Variants in SPTB observed in about 807,000 individuals in gnomAD.
SPTB encodes the protein spectrin beta chain, erythrocytic.
A neutral mutation model predicts 256.2 loss-of-function variants in SPTB; 45 were observed. The observed-to-expected ratio is 0.18, with a 90% CI of 0.14 to 0.23. The LOEUF (loss-of-function observed/expected upper bound fraction) is 0.23. Ranked by LOEUF, SPTB falls within the 10% of genes least tolerant of loss-of-function variation. The pLI, the probability that SPTB is intolerant of heterozygous loss-of-function variation, is 1.00. For missense variants in SPTB, 2,715 were observed against 3,040.4 expected (o/e 0.89, Z 2.52); for synonymous variants, 1,231 against 1,243.1 (o/e 0.99, Z 0.21).
intron 32 of SPTB, among the ~76,000 whole-genome samples, chr14:64,765,968 G>GGGGTGTGGTGTGTGCATGTGGAT (rs1205565648): frequency 6.6e-6 from 1 of 151,216 alleles, no homozygotes; most frequent in East Asian, 1.9e-4. Flanking sequence ...GTGTGTGTAT[G>GGGGTGTGGTGTGTGCATGTGGAT]GGGTGTGGTG....
In SPTB at chr14:64,778,185, G is replaced by C. The variant is rs1009792932; in HGVS notation, c.4563+972C>G. ...TGTCAACCAGAAGCAAAGGGCCTAA[G>C]GCAGCTTTGAAGAAACTTCTCTGAA... On this transcript the variant is annotated intron_variant, in intron 22 of 35. Transcript: ENST00000644917. The surrounding 1 kb of genome is among the most constrained non-coding windows in gnomAD (Gnocchi z 5.2). Among the ~76,000 whole-genome samples the C allele has an allele frequency of 1.3e-5, 2 of 152,166 alleles. No individual in the cohort carries two copies. Among genetic ancestry groups the C allele is most frequent in the Non-Finnish European group, 2.9e-5 (2 of 68,022 alleles).
chr14:64,749,628 G>A lies in SPTB; in HGVS notation c.6819+26C>T. On this transcript the variant is annotated intron_variant, in intron 35 of 35. Coordinates refer to ENST00000644917, the MANE Select transcript of SPTB (RefSeq NM_001355436.2). This position sits in a 1 kb window ranked among gnomAD's most constrained non-coding sequence, Gnocchi z 4.7. ...CTCCACCTACCCCCTTCTTAGCCAGGTCTGGGCTAGGCTGCCCGCGCTTAC... is the reference window on the plus strand; with the variant it reads ...CTCCACCTACCCCCTTCTTAGCCAGATCTGGGCTAGGCTGCCCGCGCTTAC... The A allele has an allele frequency of 1.9e-6, 3 of 1,613,230 alleles. No individual in the cohort carries two copies. Among genetic ancestry groups the A allele is most frequent in the Non-Finnish European group, 2.5e-6 (3 of 1,179,906 alleles).
At chr14:64,808,010 C>T (rs560670437) in intron 2 of SPTB, among the ~76,000 whole-genome samples, 1 of 152,344 alleles carries the variant, frequency 6.6e-6, no homozygotes, top group South Asian at 2.1e-4. Context: ...GCATCTCATT[C>T]CTCTCTGTTC....
At position 64,806,430 on chromosome 14, in the gene SPTB, C is replaced by T. The variant is rs1047869433; in HGVS notation, c.149-1340G>A. On this transcript the variant is annotated intron_variant, in intron 2 of 35. Coordinates refer to ENST00000644917, the MANE Select transcript of SPTB (RefSeq NM_001355436.2). The surrounding 1 kb of genome is among the most constrained non-coding windows in gnomAD (Gnocchi z 4.1). ...ATACCTGGAGTGGCCTAGCCAGGAG[C>T]GGGGTCTGCCCGGTCGGAGCAGGCT... 3.3e-5 allele frequency among the ~76,000 whole-genome samples: 5 copies of T among 152,166 alleles called. No individual in the cohort carries two copies. Among genetic ancestry groups the T allele is most frequent in the South Asian group, 2.1e-4 (1 of 4,828 alleles).
rs775616758 is a variant in SPTB at position 64,749,965 on chromosome 14, G to A, written c.6776+16C>T. The A allele has an allele frequency of 3.1e-6, 5 of 1,614,178 alleles. No homozygotes were observed. Among genetic ancestry groups the A allele is most frequent in the Non-Finnish European group, 2.5e-6 (3 of 1,180,040 alleles). ...AAGCCATCAACCCGAGCTTTCAAAG[G>A]CCAGGAAGGCCTCACCTCAGCTTAA... On this transcript the variant is annotated intron_variant, in intron 34 of 35. Coordinates refer to ENST00000644917, the MANE Select transcript of SPTB (RefSeq NM_001355436.2). The surrounding 1 kb of genome is among the most constrained non-coding windows in gnomAD (Gnocchi z 4.7).
rs200509217 is a variant in SPTB at position 64,782,581 on chromosome 14, A to G, written c.4003-28T>C. On this transcript the variant is annotated intron_variant, in intron 19 of 35. Coordinates refer to ENST00000644917, the MANE Select transcript of SPTB (RefSeq NM_001355436.2). ...AGGGGCAAGAAGGAGGAGAGCTCAC[A>G]TTCTGGGCTGACTGGGCCTTGGATC... 1.4e-5 allele frequency: 22 copies of G among 1,612,290 alleles called. No individual in the cohort carries two copies. In the East Asian group the frequency reaches 4.0e-4, roughly 29 times the overall value.
chr14:64,862,249 T>C (rs1881888872), intron 1 of SPTB, among the ~76,000 whole-genome samples: 1 of 152,138 alleles, frequency 6.6e-6, no homozygotes, highest in South Asian at 2.1e-4. Context: ...CCTAGATACC[T>C]GAGCTAGAAA....
intron 1 of SPTB, among the ~76,000 whole-genome samples, chr14:64,834,892 G>A (rs751479361): frequency 4.6e-5 from 7 of 152,132 alleles, no homozygotes; most frequent in Non-Finnish European, 7.4e-5. Flanking sequence ...TTTCTTTCTC[G>A]TGTCACAGAA....
chr14:64,796,462 G>A lies in SPTB; in HGVS notation c.1341+95C>T, dbSNP rs570839712. The A allele has an allele frequency of 1.1e-4, 170 of 1,550,988 alleles. No homozygotes were observed. The African/African-American group carries it at 2.0e-3, about 18-fold the overall frequency. ...GCTGTGCTGCAAGGCACGAGGAGAG[G>A]CTGTGAGAAGCCAGCTTGGACTCCA... On this transcript the variant is annotated intron_variant, in intron 11 of 35. Coordinates refer to ENST00000644917, the MANE Select transcript of SPTB (RefSeq NM_001355436.2). The surrounding 1 kb of genome is among the most constrained non-coding windows in gnomAD (Gnocchi z 4.1).
At chr14:64,820,092 C>G (rs1031065526) in intron 2 of SPTB, among the ~76,000 whole-genome samples, 14 of 152,204 alleles carry the variant, frequency 9.2e-5, no homozygotes, top group Admixed American at 6.5e-5. Flanking sequence ...TCTCCCCAAC[C>G]TTGCCACATA....
Position 64,802,461 on chromosome 14 carries a change from G to A in SPTB, c.475-144C>T, listed in dbSNP as rs957458981. 2.7e-5 allele frequency: 21 copies of A among 768,628 alleles called. No homozygotes were observed. The highest frequency in any genetic ancestry group is 4.0e-5 in the Non-Finnish European group (18 of 444,920). 47.6% of individuals were successfully genotyped at this position (768,628 alleles called of 1,614,324 possible). A position where few individuals can be genotyped will look rare whatever the true frequency, so the allele number is the denominator to read the frequency against. On this transcript the variant is annotated intron_variant, in intron 4 of 35. Coordinates refer to ENST00000644917, the MANE Select transcript of SPTB (RefSeq NM_001355436.2). This position sits in a 1 kb window ranked among gnomAD's most constrained non-coding sequence, Gnocchi z 5.1. ...TAAGAGCCAGTATAAATGGCGCTTG[G>A]GTTGGGTCTCCCTTCATGTGCCCTG...
intron 32 of SPTB, chr14:64,754,225 C>A: frequency 3.2e-6 from 1 of 314,616 alleles, no homozygotes; most frequent in South Asian, 3.1e-5. Context: ...AAGACAAGTT[C>A]GGCAACCACT....
Position 64,802,440 on chromosome 14 carries a change from A to G in SPTB, c.475-123T>C. On this transcript the variant is annotated intron_variant, in intron 4 of 35. Coordinates refer to ENST00000644917, the MANE Select transcript of SPTB (RefSeq NM_001355436.2). This position sits in a 1 kb window ranked among gnomAD's most constrained non-coding sequence, Gnocchi z 5.1. ...ACTTAACACTAATTCATCCTTTAAG[A>G]GCCAGTATAAATGGCGCTTGGGTTG... 1.1e-6 allele frequency: 1 copy of G among 919,344 alleles called. No homozygotes were observed. The highest frequency in any genetic ancestry group is 2.0e-5 in the Admixed American group (1 of 50,254). 56.9% of individuals were successfully genotyped at this position (919,344 alleles called of 1,614,324 possible). A position where few individuals can be genotyped will look rare whatever the true frequency, so the allele number is the denominator to read the frequency against.
chr14:64,749,832 CAA>C lies in SPTB; in HGVS notation c.6777-138_6777-137del, dbSNP rs2081916617. ...GGCAGCCCAGCACTTTCTGAGAGGTCAAAGTCTGGACCATCAGCCTCTTTGAT... is the reference window on the plus strand; with the variant it reads ...GGCAGCCCAGCACTTTCTGAGAGGTCAGTCTGGACCATCAGCCTCTTTGAT... On this transcript the variant is annotated intron_variant, in intron 34 of 35. Transcript: ENST00000644917. This position sits in a 1 kb window ranked among gnomAD's most constrained non-coding sequence, Gnocchi z 4.7. 1 of 1,481,862 alleles carries C rather than the reference CAA, an allele frequency of 6.7e-7. No homozygotes were observed. The highest frequency in any genetic ancestry group is 9.3e-7 in the Non-Finnish European group (1 of 1,073,306). The allele number at this position is 1,481,862 out of a possible 1,614,324, so 91.8% of individuals were successfully genotyped here.
At chr14:64,856,266 A>G (rs2083870634) in intron 1 of SPTB, among the ~76,000 whole-genome samples, 1 of 152,198 alleles carries the variant, frequency 6.6e-6, no homozygotes, top group South Asian at 2.1e-4. Flanking sequence ...GAGCTTCCCA[A>G]CGCTCATGTT....
intron 32 of SPTB, among the ~76,000 whole-genome samples, chr14:64,762,035 A>C (rs1385775055): frequency 1.3e-5 from 2 of 152,188 alleles, no homozygotes; most frequent in African/African-American, 4.8e-5. Flanking sequence ...GACCACAGCA[A>C]GGAGAAAGGG....
At position 64,841,474 on chromosome 14, in the gene SPTB, G is replaced by T. The variant is rs1170981574; in HGVS notation, c.-51-18329C>A. On this transcript the variant is annotated intron_variant, in intron 1 of 35. Transcript: ENST00000644917. This position sits in a 1 kb window ranked among gnomAD's most constrained non-coding sequence, Gnocchi z 4.6. ...GAGCATCAAGAAAGGCAACAGGAAA[G>T]AAAGATGATCTGCACTGGAGGCCCA... 1.3e-5 allele frequency among the ~76,000 whole-genome samples: 2 copies of T among 152,204 alleles called. No individual in the cohort carries two copies. Among genetic ancestry groups the T allele is most frequent in the African/African-American group, 4.8e-5 (2 of 41,452 alleles).
At chr14:64,830,637 T>C (rs1272544655) in intron 1 of SPTB, among the ~76,000 whole-genome samples, 3 of 152,190 alleles carry the variant, frequency 2.0e-5, no homozygotes, top group African/African-American at 7.2e-5. Flanking sequence ...TTTAAAGCTC[T>C]ACTTCACTCA....
At chr14:64,810,585 C>G (rs1158016744) in intron 2 of SPTB, among the ~76,000 whole-genome samples, 2 of 152,128 alleles carry the variant, frequency 1.3e-5, no homozygotes, top group South Asian at 2.1e-4. Context: ...GAGACTGAGG[C>G]ATGAGAATCG....
Sources: allele counts gnomAD v4.1 joint callset (sites outside exome capture counted in the v4.1 genomes callset), GRCh38; gene constraint gnomAD v4.1.1; non-coding constraint Gnocchi (gnomAD v3.1); transcripts MANE v1.5; gene names NCBI Gene and HGNC (gene_info 2026-07-23, HGNC 2026-07-21).